The following STX8 variants were observed in gnomAD, a reference collection of about 807,000 sequenced individuals.
STX8 encodes syntaxin-8.
A neutral mutation model predicts 37.5 loss-of-function variants in STX8; 23 were observed. That is an observed-to-expected ratio of 0.61 (90% CI 0.44 to 0.87). The LOEUF is 0.87. STX8 is among the 40% of genes least tolerant of loss of function. The probability of loss-of-function intolerance (pLI) is 0.00; values close to 1 mark genes in which losing one functional copy is unlikely to be tolerated. For synonymous variants in STX8, 115 were observed against 99.1 expected (o/e 1.16, Z -0.95); for missense variants, 313 against 284.7 (o/e 1.10, Z -0.71).
chr17:9,505,994 G>T (rs1452191843), intron 4 of STX8, among the ~76,000 whole-genome samples: 1 of 150,628 alleles, frequency 6.6e-6, no homozygotes, highest in Admixed American at 6.6e-5. Flanking sequence ...AGAAACACAT[G>T]CAGGGTTTCA....
chr17:9,258,321 C>T (rs181236361), intron 7 of STX8, among the ~76,000 whole-genome samples: 48 of 152,348 alleles, frequency 3.2e-4, no homozygotes, highest in Admixed American at 2.8e-3. Context: ...TCCCTTTAAT[C>T]CCACGACTGG....
chr17:9,535,421 C>T (rs530111392), intron 4 of STX8, among the ~76,000 whole-genome samples: 3 of 71,310 alleles, frequency 4.2e-5, no homozygotes, highest in East Asian at 1.1e-3. Context: ...CCCAGCCATC[C>T]TACTTTTTTT....
intron 4 of STX8, among the ~76,000 whole-genome samples, chr17:9,543,345 G>GT (rs1040875739): frequency 6.6e-6 from 1 of 151,164 alleles, no homozygotes; most frequent in Non-Finnish European, 1.5e-5. Context: ...CCAGGCTGGA[G>GT]TGCAGTGGCG....
intron 7 of STX8, among the ~76,000 whole-genome samples, chr17:9,288,214 T>A (rs1597585331): frequency 2.0e-5 from 2 of 99,146 alleles, no homozygotes; most frequent in Non-Finnish European, 4.2e-5. Flanking sequence ...AGGAATCCAA[T>A]GACAAGATAC....
At chr17:9,310,036 C>T (rs1467361775) in intron 7 of STX8, among the ~76,000 whole-genome samples, 1 of 150,084 alleles carries the variant, frequency 6.7e-6, no homozygotes, top group Non-Finnish European at 1.5e-5. Flanking sequence ...GTCAAGTTGA[C>T]GAACAGCCTG....
chr17:9,397,626 T>C (rs1912449656), intron 6 of STX8, among the ~76,000 whole-genome samples: 1 of 152,074 alleles, frequency 6.6e-6, no homozygotes, highest in Admixed American at 6.6e-5. Flanking sequence ...AACAAAATTG[T>C]TTTGAATTAT....
chr17:9,294,220 TGA>T (rs1908429648), intron 7 of STX8, among the ~76,000 whole-genome samples: 2 of 152,224 alleles, frequency 1.3e-5, no homozygotes, highest in Admixed American at 1.3e-4. Flanking sequence ...GAACTCTTAG[TGA>T]GAGAGATGGC....
intron 7 of STX8, chr17:9,378,157 A>C (rs1349614498): frequency 1.8e-5 from 3 of 165,126 alleles, no homozygotes; most frequent in African/African-American, 7.2e-5. Flanking sequence ...GTGACTTGAC[A>C]AAGATACCAT....
intron 4 of STX8, among the ~76,000 whole-genome samples, chr17:9,523,027 T>C (rs901017550): frequency 1.2e-4 from 18 of 152,172 alleles, no homozygotes; most frequent in Middle Eastern, 3.4e-3. Flanking sequence ...AATATCACAC[T>C]GTAAGCCAGG....
rs998139492 is a variant in STX8 at position 9,529,293 on chromosome 17, A to G, written c.323+15879T>C. 2.6e-5 allele frequency among the ~76,000 whole-genome samples: 4 copies of G among 152,052 alleles called. No individual in the cohort carries two copies. In the East Asian group the frequency reaches 7.7e-4, roughly 29 times the overall value. On this transcript the variant is annotated intron_variant, in intron 4 of 7. Transcript: ENST00000306357. ...AGAGAGTGTGTGGGTGCGCACACGC[A>G]TGTGTGTGTATCTGTATGCATATGC... is the stretch of plus-strand genomic sequence containing the variant.
At chr17:9,293,309 C>T (rs763217182) in intron 7 of STX8, among the ~76,000 whole-genome samples, 4 of 152,180 alleles carry the variant, frequency 2.6e-5, no homozygotes, top group Admixed American at 6.5e-5. Flanking sequence ...CGAGGTCTCA[C>T]AGCTGGTAAC....
chr17:9,382,334 T>A (rs1269648393), intron 6 of STX8, among the ~76,000 whole-genome samples: 2 of 152,198 alleles, frequency 1.3e-5, no homozygotes, highest in African/African-American at 4.8e-5. Context: ...AAATACAATA[T>A]CTATCTGGCA....
At chr17:9,300,039 T>C (rs1405122417) in intron 7 of STX8, among the ~76,000 whole-genome samples, 1 of 152,042 alleles carries the variant, frequency 6.6e-6, no homozygotes, top group Non-Finnish European at 1.5e-5. Context: ...GGGTTGAAAA[T>C]TCCCCAATTA....
intron 6 of STX8, chr17:9,469,951 T>C (rs1168776293): frequency 6.6e-6 from 1 of 152,258 alleles, no homozygotes; most frequent in East Asian, 1.9e-4. Context: ...CGCTTATCAC[T>C]GAAACATACT....
rs1294898180 is a variant in STX8, at chr17:9,335,469, G to A, written c.643+43083C>T. ...ACCTCTTAAAGGTCTCACCTCTTAA[G>A]ACCATCATAATGGCAATCAAATGTC... On this transcript the variant is annotated intron_variant, in intron 7 of 7. Transcript: ENST00000306357. 2.6e-5 allele frequency among the ~76,000 whole-genome samples: 4 copies of A among 152,134 alleles called. No homozygotes were observed. The South Asian group carries it at 8.3e-4, about 32-fold the overall frequency.
At chr17:9,286,265 A>G (rs1908067014) in intron 7 of STX8, among the ~76,000 whole-genome samples, 1 of 152,196 alleles carries the variant, frequency 6.6e-6, no homozygotes, top group Admixed American at 6.5e-5. Flanking sequence ...TCTTCTCCAA[A>G]AGAGAGTAGG....
At chr17:9,535,066 G>A (rs532399339) in intron 4 of STX8, among the ~76,000 whole-genome samples, 1 of 152,082 alleles carries the variant, frequency 6.6e-6, no homozygotes, top group Non-Finnish European at 1.5e-5. Context: ...TAGGAAAAAC[G>A]TAGGATTCAT....
intron 6 of STX8, among the ~76,000 whole-genome samples, chr17:9,429,128 A>C (rs1913749069): frequency 6.6e-6 from 1 of 151,764 alleles, no homozygotes; most frequent in African/African-American, 2.4e-5. Context: ...GGTTTTTAAA[A>C]CAGTTTTATT....
intron 6 of STX8, among the ~76,000 whole-genome samples, chr17:9,444,138 CAT>C (rs1567563317): frequency 7.8e-6 from 1 of 128,580 alleles, no homozygotes; most frequent in African/African-American, 2.9e-5. Context: ...CACTTTCGCA[CAT>C]TCTTCTCTCT....
Sources: gnomAD v4.1 joint callset for allele counts (sites outside exome capture counted in the v4.1 genomes callset) on GRCh38, gnomAD v4.1.1 for gene constraint, MANE v1.5 for transcripts, NCBI Gene and HGNC (gene_info 2026-07-23, HGNC 2026-07-21) for gene names.